Variants in NCAM1 observed in about 807,000 individuals in gnomAD.
NCAM1 encodes antigen recognized by monoclonal antibody 5.1H11.
NCAM1 carries 14 observed loss-of-function variants against 109.8 expected under a neutral mutation model. That is an observed-to-expected ratio of 0.13 (90% CI 0.08 to 0.20). NCAM1 has a LOEUF of 0.20. NCAM1 is among the 10% of genes least tolerant of loss of function. The pLI is 1.00. For missense variants in NCAM1, 774 were observed against 1,109.9 expected (o/e 0.70, Z 4.30); for synonymous variants, 418 against 442.9 (o/e 0.94, Z 0.70).
chr11:113,161,215 A>C (rs1591376496), intron 1 of NCAM1, among the ~76,000 whole-genome samples: 1 of 152,220 alleles, frequency 6.6e-6, no homozygotes, highest in Admixed American at 6.5e-5. Flanking sequence ...TCATCTTATA[A>C]AATGAAAATT....
chr11:113,029,092 C>T (rs558111026), intron 1 of NCAM1, among the ~76,000 whole-genome samples: 17 of 152,182 alleles, frequency 1.1e-4, no homozygotes, highest in Admixed American at 4.6e-4. Flanking sequence ...TTCAGGTATA[C>T]AGAATAAAAC....
chr11:113,067,945 C>T lies in NCAM1; in HGVS notation c.52+106281C>T, dbSNP rs941546610. On this transcript the variant is annotated intron_variant, in intron 1 of 19. Transcript: ENST00000316851. ...TTTTTTTTTGAGACGGAGTCTCGCT[C>T]TGTCACCCAGGCTGAAGTGCAGTGG... is the stretch of plus-strand genomic sequence containing the variant. Among the ~76,000 whole-genome samples, 3 of 142,822 alleles carry T rather than the reference C, an allele frequency of 2.1e-5. No homozygotes were observed. In the Admixed American group the frequency reaches 2.2e-4, roughly 10 times the overall value. The allele number at this position is 142,822 out of a possible 152,430, so 93.7% of individuals were successfully genotyped here.
chr11:113,018,124 G>A (rs1555075583), intron 1 of NCAM1, among the ~76,000 whole-genome samples: 1 of 152,040 alleles, frequency 6.6e-6, no homozygotes, highest in Non-Finnish European at 1.5e-5. Flanking sequence ...ACTTAGCCAG[G>A]CTTGTGGAAT....
At chr11:113,117,142 A>G (rs1430598625) in intron 1 of NCAM1, among the ~76,000 whole-genome samples, 1 of 152,012 alleles carries the variant, frequency 6.6e-6, no homozygotes, top group Non-Finnish European at 1.5e-5. Context: ...TGCTCTCTAA[A>G]CAGACTTTTT....
chr11:113,185,099 G>A (rs1304514368), intron 1 of NCAM1, among the ~76,000 whole-genome samples: 2 of 135,646 alleles, frequency 1.5e-5, no homozygotes, highest in African/African-American at 6.1e-5. Context: ...GAGAGAGAGA[G>A]AGAGAGAGAG....
At position 112,990,516 on chromosome 11, in the gene NCAM1, G is replaced by A. The variant is rs147461578; in HGVS notation, c.52+28852G>A. ...TTGTGGGACTGAGGTCAGCAACCCT[G>A]CTCCGGGGACTTAGAGAGATATATT... On this transcript the variant is annotated intron_variant, in intron 1 of 19. Transcript: ENST00000316851. 1.3e-3 allele frequency among the ~76,000 whole-genome samples: 204 copies of A among 152,208 alleles called. 2 individuals carry two copies. The highest frequency in any genetic ancestry group is 4.8e-3 in the African/African-American group (199 of 41,524).
intron 7 of NCAM1, 24 bp downstream of exon 7, chr11:113,208,026 C>T (rs782387883): frequency 1.3e-6 from 2 of 1,589,444 alleles, no homozygotes; most frequent in African/African-American, 2.7e-5. Context: ...GGGCCCAGGT[C>T]ACTGCTCTGC....
intron 14 of NCAM1, among the ~76,000 whole-genome samples, chr11:113,242,545 G>C (rs1267930775): frequency 1.3e-5 from 2 of 152,130 alleles, no homozygotes; most frequent in African/African-American, 4.8e-5. Flanking sequence ...AGGAGATGGA[G>C]GTTGTAATGA....
chr11:113,208,338 C>T (rs182574127), intron 7 of NCAM1, among the ~76,000 whole-genome samples: 318 of 152,288 alleles, frequency 2.1e-3, no homozygotes, highest in Middle Eastern at 0.01. Flanking sequence ...AGACTCCCTG[C>T]AATGGCCTAC....
intron 1 of NCAM1, among the ~76,000 whole-genome samples, chr11:113,016,146 G>C (rs946795002): frequency 4.6e-5 from 7 of 152,190 alleles, no homozygotes; most frequent in Non-Finnish European, 7.3e-5. Context: ...AGGAGGTTGA[G>C]TTCATGCAAA....
chr11:113,234,632 C>A (rs1555117906), intron 13 of NCAM1, among the ~76,000 whole-genome samples: 1 of 152,216 alleles, frequency 6.6e-6, no homozygotes, highest in Non-Finnish European at 1.5e-5. Flanking sequence ...GAATTTCCTT[C>A]CTGTTTAAGG....
chr11:113,157,844 C>CT (rs1387834375), intron 1 of NCAM1, among the ~76,000 whole-genome samples: 1 of 151,928 alleles, frequency 6.6e-6, no homozygotes, highest in African/African-American at 2.4e-5. Context: ...CTCCTATCTA[C>CT]TTCTGCATTC....
At chr11:112,995,453 A>C (rs1422128753) in intron 1 of NCAM1, among the ~76,000 whole-genome samples, 1 of 152,206 alleles carries the variant, frequency 6.6e-6, no homozygotes, top group Non-Finnish European at 1.5e-5. Flanking sequence ...CTAACTTAAG[A>C]GTCTTGTGGT....
chr11:113,004,673 C>A (rs1951848848), intron 1 of NCAM1, among the ~76,000 whole-genome samples: 2 of 151,960 alleles, frequency 1.3e-5, no homozygotes, highest in African/African-American at 4.8e-5. Flanking sequence ...ATTTCAGTAT[C>A]TTTTTTCTAT....
At chr11:112,977,720 T>C (rs190154872) in intron 1 of NCAM1, among the ~76,000 whole-genome samples, 83 of 152,038 alleles carry the variant, frequency 5.5e-4, no homozygotes, top group African/African-American at 1.9e-3. Context: ...TGTAATCTTC[T>C]GTTTAAAAAT....
chr11:112,986,497 A>C (rs1951309155), intron 1 of NCAM1, among the ~76,000 whole-genome samples: 1 of 151,882 alleles, frequency 6.6e-6, no homozygotes, highest in Non-Finnish European at 1.5e-5. Context: ...ATTAATGCTT[A>C]TTTAAATGTT....
chr11:113,012,132 C>T (rs1471202124), intron 1 of NCAM1, among the ~76,000 whole-genome samples: 1 of 152,040 alleles, frequency 6.6e-6, no homozygotes, highest in Non-Finnish European at 1.5e-5. Flanking sequence ...GGCTCTCATG[C>T]CTCAGCCTCC....
intron 1 of NCAM1, among the ~76,000 whole-genome samples, chr11:113,050,074 T>G (rs576297621): frequency 6.7e-6 from 1 of 148,760 alleles, no homozygotes; most frequent in Non-Finnish European, 1.5e-5. Flanking sequence ...CTGTGGGGCT[T>G]TTCTATTCCA....
intron 1 of NCAM1, among the ~76,000 whole-genome samples, chr11:113,090,123 G>C (rs1040595114): frequency 1.3e-5 from 2 of 152,224 alleles, no homozygotes; most frequent in South Asian, 4.1e-4. Context: ...ATCTCAACTA[G>C]TAATTATGAG....
Sources: allele counts gnomAD v4.1 joint callset (sites outside exome capture counted in the v4.1 genomes callset), GRCh38; gene constraint gnomAD v4.1.1; transcripts MANE v1.5; gene names NCBI Gene and HGNC (gene_info 2026-07-23, HGNC 2026-07-21).